NR2C2: variants seen among roughly 807,000 people sequenced by gnomAD.
NR2C2 encodes the protein Nuclear hormone receptor TR4.
NR2C2 carries 6 observed loss-of-function variants against 62.9 expected under a neutral mutation model. The observed-to-expected ratio is 0.10, with a 90% CI of 0.05 to 0.19. The LOEUF is 0.19. Ranked by LOEUF, NR2C2 falls within the 10% of genes least tolerant of loss-of-function variation. NR2C2 has a pLI of 1.00. For missense variants in NR2C2, 479 were observed against 762.7 expected (o/e 0.63, Z 4.38); for synonymous variants, 272 against 273.8 (o/e 0.99, Z 0.07).
At position 15,046,411 on chromosome 3, in the gene NR2C2, TCTTA is replaced by T. The variant is rs1487497179; in HGVS notation, c.*3407_*3410del. 3.9e-5 allele frequency: 6 copies of T among 152,240 alleles called. No homozygotes were observed. The highest frequency in any genetic ancestry group is 9.6e-5 in the African/African-American group (4 of 41,460). The allele number at this position is 152,240 out of a possible 1,614,324, so 9.4% of individuals were successfully genotyped here. A position where few individuals can be genotyped will look rare whatever the true frequency, so the allele number is the denominator to read the frequency against. On this transcript the variant is annotated 3_prime_UTR_variant, in exon 14 of 14. Coordinates refer to ENST00000425241, the MANE Select transcript of NR2C2 (RefSeq NM_001291694.2). The stretch of plus-strand genomic sequence containing the variant: ...ACGCTACACACATACTTATTAGCTG[TCTTA>T]CTTGTTTGGGGGATAGTTACGGCAA...
intron 1 of NR2C2, among the ~76,000 whole-genome samples, chr3:14,978,537 C>T (rs375432549): frequency 9.2e-5 from 14 of 152,230 alleles, no homozygotes; most frequent in Admixed American, 7.2e-4. Flanking sequence ...GAGGACTGTT[C>T]GTCCATAGGT....
At chr3:15,003,301 G>C (rs1198083357) in intron 1 of NR2C2, among the ~76,000 whole-genome samples, 1 of 152,086 alleles carries the variant, frequency 6.6e-6, no homozygotes, top group East Asian at 1.9e-4. Flanking sequence ...CAGATACCCA[G>C]GTGACCACTC....
intron 1 of NR2C2, among the ~76,000 whole-genome samples, chr3:14,984,693 A>C (rs1372213023): frequency 6.6e-6 from 1 of 152,150 alleles, no homozygotes; most frequent in Admixed American, 6.5e-5. Context: ...TCACCTGTTG[A>C]TGGACATTTG....
In NR2C2 at chr3:15,003,869, C is replaced by T; in HGVS notation, c.-39-7C>T. On this transcript the variant is annotated splice_region_variant and splice_polypyrimidine_tract_variant and intron_variant, in intron 1 of 13. Transcript: ENST00000425241. ...CCCTTGTGATCCAGCCCACTTCTCA[C>T]CCACAGGTAACACGTACACAGACCT... 6.3e-7 allele frequency: 1 copy of T among 1,592,618 alleles called. No homozygotes were observed. The highest frequency in any genetic ancestry group is 8.6e-7 in the Non-Finnish European group (1 of 1,160,722).
chr3:14,984,271 T>C (rs553585309), intron 1 of NR2C2, among the ~76,000 whole-genome samples: 8 of 152,340 alleles, frequency 5.3e-5, no homozygotes, highest in African/African-American at 7.2e-5. Flanking sequence ...TCTCTTTTTT[T>C]CCCTGGTCAT....
At chr3:15,035,371 T>C (rs1054223813) in intron 11 of NR2C2, among the ~76,000 whole-genome samples, 14 of 152,202 alleles carry the variant, frequency 9.2e-5, no homozygotes, top group African/African-American at 3.4e-4. Context: ...ACGATTAATA[T>C]GAAGAAAAAA....
At chr3:15,025,037 G>C (rs1196537074) in intron 7 of NR2C2, among the ~76,000 whole-genome samples, 2 of 152,240 alleles carry the variant, frequency 1.3e-5, no homozygotes, top group Non-Finnish European at 2.9e-5. Context: ...TTGGTCCTCA[G>C]GCTGGGCCTT....
chr3:14,967,725 A>T (rs573777641), intron 1 of NR2C2, among the ~76,000 whole-genome samples: 73 of 152,284 alleles, frequency 4.8e-4, no homozygotes, highest in African/African-American at 1.7e-3. Flanking sequence ...AGCATTTAAG[A>T]TTTCCCAAAC....
chr3:14,988,783 G>C (rs2040581639), intron 1 of NR2C2, among the ~76,000 whole-genome samples: 1 of 151,984 alleles, frequency 6.6e-6, no homozygotes, highest in African/African-American at 2.4e-5. Flanking sequence ...GTTTGTGCTA[G>C]AATCTGAAAA....
At chr3:14,973,408 A>G (rs55806376) in intron 1 of NR2C2, among the ~76,000 whole-genome samples, 6 of 151,904 alleles carry the variant, frequency 3.9e-5, no homozygotes, top group African/African-American at 1.5e-4. Flanking sequence ...AAAAAAAAAA[A>G]TTTTTTTTAA....
intron 1 of NR2C2, among the ~76,000 whole-genome samples, chr3:15,002,645 CTTTTTTT>C (rs371981775): frequency 2.5e-4 from 10 of 39,508 alleles, no homozygotes; most frequent in East Asian, 2.4e-3. Context: ...TCACAATATA[CTTTTTTT>C]TTTTTTTTTT....
Position 15,044,251 on chromosome 3 carries a change from G to C in NR2C2, c.*1243G>C, listed in dbSNP as rs1002482888. The C allele has an allele frequency of 2.0e-5, 3 of 152,276 alleles. No individual in the cohort carries two copies. In the East Asian group the frequency reaches 5.8e-4, roughly 29 times the overall value. 9.4% of individuals were successfully genotyped at this position (152,276 alleles called of 1,614,324 possible). A position where few individuals can be genotyped will look rare whatever the true frequency, so the allele number is the denominator to read the frequency against. On this transcript the variant is annotated 3_prime_UTR_variant, in exon 14 of 14. Coordinates refer to ENST00000425241, the MANE Select transcript of NR2C2 (RefSeq NM_001291694.2). The stretch of plus-strand genomic sequence containing the variant: ...TAAATACCAGAGATTTTAAAAATGT[G>C]TATAGACTCAGCATCTCTGTTGGCA...
intron 1 of NR2C2, among the ~76,000 whole-genome samples, chr3:14,985,143 G>A (rs1372453360): frequency 1.3e-5 from 2 of 151,900 alleles, no homozygotes; most frequent in African/African-American, 4.8e-5. Context: ...TTCTTTTCTT[G>A]AGTTTTGGGA....
At chr3:15,024,336 C>T in intron 7 of NR2C2, 128 bp downstream of exon 7, 1 of 632,676 alleles carries the variant, frequency 1.6e-6, no homozygotes, top group Admixed American at 3.2e-5. Context: ...ATGTCTCGGT[C>T]TCCTTATTGT....
intron 8 of NR2C2, among the ~76,000 whole-genome samples, chr3:15,029,874 GAA>G (rs1030128466): frequency 2.0e-5 from 3 of 148,640 alleles, no homozygotes; most frequent in African/African-American, 7.5e-5. Flanking sequence ...AAGAGAGAAA[GAA>G]AAAGAGAAAG....
chr3:15,042,724 T>G (rs2042312800), intron 13 of NR2C2, 110 bp from the exon 14 acceptor site: 2 of 873,084 alleles, frequency 2.3e-6, no homozygotes, highest in Non-Finnish European at 3.6e-6. Context: ...GGATGGTGGA[T>G]CCGTTTGGTT....
At chr3:14,959,424 C>T (rs2039627305) in intron 1 of NR2C2, 1 of 152,118 alleles carries the variant, frequency 6.6e-6, no homozygotes, top group Non-Finnish European at 1.5e-5. Flanking sequence ...TACTTCTCTC[C>T]TCCTCTGACT....
At chr3:15,023,375 G>A (rs371707534) in intron 6 of NR2C2, 28 bp downstream of exon 6, 1 of 1,612,280 alleles carries the variant, frequency 6.2e-7, no homozygotes, top group Non-Finnish European at 8.5e-7. Context: ...ACTGCAATCA[G>A]CCTTTGCAGC....
chr3:14,997,913 C>A (rs2124890937), intron 1 of NR2C2, among the ~76,000 whole-genome samples: 1 of 152,278 alleles, frequency 6.6e-6, no homozygotes, highest in South Asian at 2.1e-4. Context: ...ATCATGCCCC[C>A]ACTAAAAAAC....
Sources: gnomAD v4.1 joint callset for allele counts (sites outside exome capture counted in the v4.1 genomes callset) on GRCh38, gnomAD v4.1.1 for gene constraint, MANE v1.5 for transcripts, NCBI Gene and HGNC (gene_info 2026-07-23, HGNC 2026-07-21) for gene names.